The following RECQL5 variants were observed in gnomAD, a reference collection of about 807,000 sequenced individuals.
RECQL5 encodes the protein RecQ like helicase 5.
In RECQL5, 88 loss-of-function variants were observed where a neutral mutation model predicts 103.4. That is an observed-to-expected ratio of 0.85 (90% confidence interval 0.72 to 1.02). The LOEUF is 1.02. RECQL5 is among the 50% of genes least tolerant of loss of function. The pLI is 0.00. For synonymous variants in RECQL5, 552 were observed against 507.9 expected, an observed-to-expected ratio of 1.09 and a Z score of -1.17; for missense variants, 1,232 against 1,284.3, an observed-to-expected ratio of 0.96 and a Z score of 0.62.
chr17:75,640,105 G>A lies in RECQL5; in HGVS notation c.1230-8437C>T, dbSNP rs77421619. On this transcript the variant is annotated intron_variant, in intron 8 of 19. Transcript: ENST00000317905. This position sits in a 1 kb window ranked among gnomAD's most constrained non-coding sequence, Gnocchi z 4.6. ...CGGATGGGTGCGAGGGTGGAATCTC[G>A]GTGCTGCGACGAGTGTGGGGCCAGC... The A allele has an allele frequency of 2.2e-3, 3,155 of 1,429,056 alleles. 53 individuals carry two copies. The African/African-American group carries it at 0.039, about 18-fold the overall frequency. 88.5% of individuals were successfully genotyped at this position (1,429,056 alleles called of 1,614,324 possible). A position where few individuals can be genotyped will look rare whatever the true frequency, so the allele number is the denominator to read the frequency against.
intron 13 of RECQL5, 133 bp downstream of exon 13, chr17:75,630,486 G>T: frequency 9.6e-7 from 1 of 1,039,510 alleles, no homozygotes; most frequent in South Asian, 1.5e-5. Flanking sequence ...GGGTTGTAGG[G>T]GCAGTCCCCT....
At position 75,640,002 on chromosome 17, in the gene RECQL5, G is replaced by A; in HGVS notation, c.1230-8334C>T. On this transcript the variant is annotated intron_variant, in intron 8 of 19. Transcript: ENST00000317905. This position sits in a 1 kb window ranked among gnomAD's most constrained non-coding sequence, Gnocchi z 4.6. Reference sequence around the variant, plus strand: ...CCACCCTGAGCTGTGTCAGCTGGGTGGGGACTGAGGGCCACCACTAGGTGG... The same window carrying A: ...CCACCCTGAGCTGTGTCAGCTGGGTAGGGACTGAGGGCCACCACTAGGTGG... 1.5e-6 allele frequency: 1 copy of A among 658,774 alleles called. No individual in the cohort carries two copies. The highest frequency in any genetic ancestry group is 2.1e-5 in the South Asian group (1 of 47,042). The allele number at this position is 658,774 out of a possible 1,614,324, so 40.8% of individuals were successfully genotyped here.
At chr17:75,666,642 G>C (rs912820919) in intron 1 of RECQL5, 71 bp from the exon 2 acceptor site, 2 of 1,448,400 alleles carry the variant, frequency 1.4e-6, no homozygotes, top group African/African-American at 2.9e-5. Context: ...TAAAAATACA[G>C]ATTATTTTTC....
intron 7 of RECQL5, among the ~76,000 whole-genome samples, chr17:75,657,600 A>C (rs761803456): frequency 2.0e-5 from 3 of 152,098 alleles, no homozygotes; most frequent in Non-Finnish European, 4.4e-5. Context: ...AAACTGAAAA[A>C]AAAATTAGCT....
intron 1 of RECQL5, chr17:75,666,787 G>C (rs1245408061): frequency 3.7e-6 from 2 of 538,812 alleles, no homozygotes; most frequent in African/African-American, 3.8e-5. Flanking sequence ...TGAAAACATT[G>C]AACTATTCCA....
At position 75,665,082 on chromosome 17, in the gene RECQL5, A is replaced by G. The variant is rs776970335; in HGVS notation, c.221T>C (p.Ile74Thr). 2 of 1,611,838 alleles carry G rather than the reference A, an allele frequency of 1.2e-6. No individual in the cohort carries two copies. The highest frequency in any genetic ancestry group is 8.5e-7 in the Non-Finnish European group (1 of 1,179,212). ...CAAAGCAATGAGAGGAGAGACTACA[A>G]TGGTGATGCCTTTGGCCAACAGAGC... ...LPALLAKGIT[I>T]VVSPLIALIQ... Residue 74 changes from isoleucine (I) to threonine (T), a missense_variant, in exon 3 of 20, where the codon ATT (isoleucine) becomes ACT (threonine). Physicochemically the swap from Ile to Thr is moderately conservative, Grantham distance 89. Transcript: ENST00000317905.
At position 75,667,034 on chromosome 17, in the gene RECQL5, C is replaced by T; in HGVS notation, c.-15+10G>A. 1 of 311,338 alleles carries T rather than the reference C, an allele frequency of 3.2e-6. No individual in the cohort carries two copies. Among genetic ancestry groups the T allele is most frequent in the Non-Finnish European group, 6.0e-6 (1 of 166,138 alleles). 19.3% of individuals were successfully genotyped at this position (311,338 alleles called of 1,614,324 possible). On this transcript the variant is annotated intron_variant, in intron 1 of 19. Coordinates refer to ENST00000317905, the MANE Select transcript of RECQL5 (RefSeq NM_004259.7). Reference sequence around the variant, plus strand: ...CTGGCCGACACCTCCCTCTCTTCACCCTAAGATATCAGAACCGGCCGTGGT... The same window carrying T: ...CTGGCCGACACCTCCCTCTCTTCACTCTAAGATATCAGAACCGGCCGTGGT...
intron 16 of RECQL5, 62 bp from the exon 17 acceptor site, chr17:75,628,824 G>T: frequency 1.2e-6 from 2 of 1,601,582 alleles, no homozygotes; most frequent in Admixed American, 1.8e-5. Context: ...ATCCCAGGAG[G>T]CCTAGGAGAG....
At position 75,664,744 on chromosome 17, in the gene RECQL5, C is replaced by G. The variant is rs139812205; in HGVS notation, c.252+307G>C. 3.7e-3 allele frequency among the ~76,000 whole-genome samples: 557 copies of G among 151,858 alleles called. 6 individuals are homozygous for G. The highest frequency in any genetic ancestry group is 0.013 in the African/African-American group (538 of 41,414). ...CCTGGCCAACATGGTGAAACCTCAT[C>G]TCTACTAAAAATACAAAAATTAGCC... is the stretch of plus-strand genomic sequence containing the variant. On this transcript the variant is annotated intron_variant, in intron 3 of 19. Transcript: ENST00000317905.
rs2059719670 is a variant in RECQL5 at position 75,663,015 on chromosome 17, G to A, written c.253-18C>T. 1 of 1,562,144 alleles carries A rather than the reference G, an allele frequency of 6.4e-7. No homozygotes were observed. Among genetic ancestry groups the A allele is most frequent in the South Asian group, 1.2e-5 (1 of 81,560 alleles). On this transcript the variant is annotated intron_variant, in intron 3 of 19. Transcript: ENST00000317905. Reference sequence around the variant, plus strand: ...ACTTGGTCCTAAGAGAAGAGAAAGAGGCTGTAACTGGCCCTCAGGACTCAG... The same window carrying A: ...ACTTGGTCCTAAGAGAAGAGAAAGAAGCTGTAACTGGCCCTCAGGACTCAG...
chr17:75,649,660 G>C, intron 8 of RECQL5: 1 of 985,454 alleles, frequency 1.0e-6, no homozygotes. Context: ...TGTGCTACAC[G>C]CCAGTTATGC....
chr17:75,654,464 T>C (rs1440356703), intron 7 of RECQL5, among the ~76,000 whole-genome samples: 4 of 152,206 alleles, frequency 2.6e-5, no homozygotes, highest in African/African-American at 9.6e-5. Context: ...TTTCCATCTT[T>C]GCTTTCTAGG....
At chr17:75,634,708 T>A (rs2148256923) in intron 8 of RECQL5, among the ~76,000 whole-genome samples, 1 of 152,300 alleles carries the variant, frequency 6.6e-6, no homozygotes, top group South Asian at 2.1e-4. Context: ...TCACTGCTGG[T>A]GTTCTCAGCT....
chr17:75,666,999 T>C (rs1299635629), intron 1 of RECQL5, 45 bp downstream of exon 1: 2 of 254,304 alleles, frequency 7.9e-6, no homozygotes, highest in Non-Finnish European at 1.5e-5. Flanking sequence ...TCCGCAATTT[T>C]CTCTCTTGGC....
chr17:75,635,099 C>A (rs2059294210), intron 8 of RECQL5, among the ~76,000 whole-genome samples: 1 of 152,210 alleles, frequency 6.6e-6, no homozygotes, highest in African/African-American at 2.4e-5. Context: ...TTCCTCAAAG[C>A]AAACAAGCTG....
At chr17:75,632,869 C>T (rs145151087) in intron 8 of RECQL5, among the ~76,000 whole-genome samples, 3 of 152,208 alleles carry the variant, frequency 2.0e-5, no homozygotes, top group Admixed American at 6.5e-5. Flanking sequence ...ATCCCAGGGA[C>T]AAGAATAGCT....
At chr17:75,646,182 G>T (rs570576899) in intron 8 of RECQL5, 7 of 152,252 alleles carry the variant, frequency 4.6e-5, no homozygotes, top group African/African-American at 1.4e-4. Flanking sequence ...AAGCCTCAGG[G>T]GGGGAGCAAC....
At chr17:75,651,162 C>T (rs750638399) in intron 8 of RECQL5, 24 bp downstream of exon 8, 1 of 1,614,130 alleles carries the variant, frequency 6.2e-7, no homozygotes, top group South Asian at 1.1e-5. Context: ...ACACTTTGCT[C>T]CACATATAAA....
intron 8 of RECQL5, chr17:75,635,706 G>A (rs2059308644): frequency 7.4e-6 from 6 of 810,298 alleles, no homozygotes; most frequent in Non-Finnish European, 9.0e-6. Context: ...GACCTCAAAC[G>A]AGATAATGCC....
Sources: allele counts gnomAD v4.1 joint callset (sites outside exome capture counted in the v4.1 genomes callset), GRCh38; gene constraint gnomAD v4.1.1; non-coding constraint Gnocchi (gnomAD v3.1); transcripts MANE v1.5; gene names NCBI Gene and HGNC (gene_info 2026-07-23, HGNC 2026-07-21).